The following TMOD2 variants were observed in gnomAD, a reference collection of about 807,000 sequenced individuals.
TMOD2 encodes the protein tropomodulin-2.
A neutral mutation model predicts 39.9 loss-of-function variants in TMOD2; 22 were observed. That is an observed-to-expected ratio of 0.55 (90% CI 0.39 to 0.79). The LOEUF (loss-of-function observed/expected upper bound fraction) is 0.79. Ranked by LOEUF, TMOD2 falls within the 30% of genes least tolerant of loss-of-function variation. The pLI, the probability that TMOD2 is intolerant of heterozygous loss-of-function variation, is 0.00. For synonymous variants in TMOD2, 123 were observed against 146.1 expected (o/e 0.84, Z 1.14); for missense variants, 386 against 413.3 (o/e 0.93, Z 0.57).
intron 7 of TMOD2, among the ~76,000 whole-genome samples, chr15:51,786,842 A>G (rs189920512): frequency 5.5e-4 from 84 of 152,382 alleles, no homozygotes; most frequent in Non-Finnish European, 1.0e-3. Flanking sequence ...TATTGGAAAT[A>G]AAACGTGAGA....
intron 9 of TMOD2, among the ~76,000 whole-genome samples, chr15:51,807,856 C>T (rs1433321771): frequency 1.3e-5 from 2 of 152,146 alleles, no homozygotes; most frequent in Non-Finnish European, 2.9e-5. Flanking sequence ...AACTGGGAAA[C>T]GGCAGTCTCG....
intron 5 of TMOD2, among the ~76,000 whole-genome samples, chr15:51,778,191 C>T (rs2055902268): frequency 6.6e-6 from 1 of 151,576 alleles, no homozygotes; most frequent in Non-Finnish European, 1.5e-5. Context: ...TTTGTAGGGA[C>T]ATGGATGAAA....
At chr15:51,779,716 T>G (rs947755922) in intron 5 of TMOD2, among the ~76,000 whole-genome samples, 1 of 152,118 alleles carries the variant, frequency 6.6e-6, no homozygotes, top group Non-Finnish European at 1.5e-5. Flanking sequence ...GGTCTCATTC[T>G]GTTGCCCAGG....
In TMOD2 at chr15:51,757,401, CAAAAAAAAAAAAAA is replaced by C. The variant is rs3078133; in HGVS notation, c.-70+5699_-70+5712del. On this transcript the variant is annotated intron_variant, in intron 1 of 9. Transcript: ENST00000249700. ...TGGGCGACACAGCCAGACTCCGTCT[CAAAAAAAAAAAAAA>C]AAAAAAAAAGCCATACTCCTTATTT... 2.6e-4 allele frequency among the ~76,000 whole-genome samples: 21 copies of C among 81,906 alleles called. No individual in the cohort carries two copies. In the South Asian group the frequency reaches 5.1e-3, roughly 20 times the overall value. The allele number at this position is 81,906 out of a possible 152,430, so 53.7% of individuals were successfully genotyped here. A position where few individuals can be genotyped will look rare whatever the true frequency, so the allele number is the denominator to read the frequency against.
At chr15:51,788,243 C>T (rs1427450843) in intron 7 of TMOD2, among the ~76,000 whole-genome samples, 3 of 151,888 alleles carry the variant, frequency 2.0e-5, no homozygotes, top group Non-Finnish European at 4.4e-5. Context: ...CTTCAATAGC[C>T]GATTTGATCA....
chr15:51,759,886 G>T (rs2055768847), intron 1 of TMOD2, among the ~76,000 whole-genome samples: 1 of 152,220 alleles, frequency 6.6e-6, no homozygotes, highest in South Asian at 2.1e-4. Context: ...CAAGGCCTGA[G>T]GCCAGCCAGG....
In TMOD2 at chr15:51,782,789, C is replaced by A; in HGVS notation, c.693C>A (p.Phe231Leu). 6.2e-7 allele frequency: 1 copy of A among 1,614,056 alleles called. No individual in the cohort carries two copies. Among genetic ancestry groups the A allele is most frequent in the Non-Finnish European group, 8.5e-7 (1 of 1,179,948 alleles). ...ALETNTHVKK[F>L]SLAATRSNDP... ...AGACCAACACTCACGTGAAGAAGTT[C>A]AGCCTGGCCGCAACTCGCAGCAATG... Residue 231 changes from phenylalanine (F) to leucine (L), a missense_variant, in exon 7 of 10, where the codon TTC (phenylalanine) becomes TTA (leucine). By Grantham distance (22) the Phe-to-Leu change is conservative. Coordinates refer to ENST00000249700, the MANE Select transcript of TMOD2 (RefSeq NM_014548.4).
chr15:51,781,823 A>AGAGAGAGAGAGT (rs368954467), intron 6 of TMOD2, among the ~76,000 whole-genome samples: 5 of 149,390 alleles, frequency 3.3e-5, no homozygotes, highest in African/African-American at 1.2e-4. Context: ...AGAGAGAGAG[A>AGAGAGAGAGAGT]GTGTGTGTGT....
intron 5 of TMOD2, 60 bp downstream of exon 5, chr15:51,777,078 G>GGA: frequency 7.0e-7 from 1 of 1,426,902 alleles, no homozygotes; most frequent in Non-Finnish European, 9.9e-7. Flanking sequence ...GTTGCTGGTA[G>GGA]GAGAGAGGCC....
intron 7 of TMOD2, among the ~76,000 whole-genome samples, chr15:51,789,226 C>T (rs1479299247): frequency 6.6e-6 from 1 of 152,164 alleles, no homozygotes; most frequent in Admixed American, 6.5e-5. Context: ...TCTGATAAAA[C>T]AGACTTTAAA....
intron 7 of TMOD2, chr15:51,783,087 T>G (rs2055942675): frequency 2.2e-6 from 1 of 448,638 alleles, no homozygotes; most frequent in South Asian, 2.3e-5. Flanking sequence ...TAACTGAATA[T>G]TTAGAGTTTG....
rs190442029 is a variant in TMOD2, at chr15:51,814,659, A to G, written c.*6205A>G. On this transcript the variant is annotated 3_prime_UTR_variant, in exon 10 of 10. Coordinates refer to ENST00000249700, the MANE Select transcript of TMOD2 (RefSeq NM_014548.4). Reference sequence around the variant, plus strand: ...CAATAGTGATTTGGATGCCAGCTCTATGTGACTTTGGGCAAGACTCTCCAT... The same window carrying G: ...CAATAGTGATTTGGATGCCAGCTCTGTGTGACTTTGGGCAAGACTCTCCAT... The G allele has an allele frequency of 3.0e-4, 45 of 152,254 alleles. No homozygotes were observed. The highest frequency in any genetic ancestry group is 2.8e-3 in the Admixed American group (43 of 15,288). The allele number at this position is 152,254 out of a possible 1,614,324, so 9.4% of individuals were successfully genotyped here.
intron 8 of TMOD2, among the ~76,000 whole-genome samples, chr15:51,803,092 G>C (rs1326055094): frequency 6.6e-6 from 1 of 151,550 alleles, no homozygotes; most frequent in African/African-American, 2.4e-5. Context: ...ATTCAAATCA[G>C]GGAAGAATGA....
intron 5 of TMOD2, among the ~76,000 whole-genome samples, 194 bp downstream of exon 5, chr15:51,777,212 A>G (rs548192987): frequency 3.3e-5 from 5 of 152,298 alleles, no homozygotes; most frequent in East Asian, 1.9e-4. Context: ...AGTACAAATC[A>G]GTGTGTGTTG....
chr15:51,796,921 A>G (rs1046762435), intron 7 of TMOD2, among the ~76,000 whole-genome samples: 2 of 152,166 alleles, frequency 1.3e-5, no homozygotes, highest in Non-Finnish European at 2.9e-5. Context: ...GACGATGTCA[A>G]TGGTTGGATG....
intron 1 of TMOD2, among the ~76,000 whole-genome samples, chr15:51,764,176 G>C (rs1197550179): frequency 1.3e-5 from 2 of 152,148 alleles, no homozygotes; most frequent in Non-Finnish European, 2.9e-5. Flanking sequence ...GTAGTCCCGG[G>C]CTTCGTGTTG....
chr15:51,801,004 G>A (rs1378031470), intron 8 of TMOD2, among the ~76,000 whole-genome samples: 1 of 152,110 alleles, frequency 6.6e-6, no homozygotes, highest in African/African-American at 2.4e-5. Flanking sequence ...ACCGCGCCTA[G>A]CCTGGCGTCT....
chr15:51,752,174 G>A (rs2055709588), intron 1 of TMOD2, among the ~76,000 whole-genome samples: 1 of 152,110 alleles, frequency 6.6e-6, no homozygotes, highest in South Asian at 2.1e-4. Flanking sequence ...ACTGGCCGGC[G>A]TCTTTCCTGA....
At chr15:51,795,585 T>G (rs199677613) in intron 7 of TMOD2, among the ~76,000 whole-genome samples, 882 of 35,152 alleles carry the variant, frequency 0.025, 5 homozygotes, top group East Asian at 0.049. Flanking sequence ...TTGCTTTCTT[T>G]CTTTCTTTCT....
Sources: gnomAD v4.1 joint callset for allele counts (sites outside exome capture counted in the v4.1 genomes callset) on GRCh38, gnomAD v4.1.1 for gene constraint, MANE v1.5 for transcripts, NCBI Gene and HGNC (gene_info 2026-07-23, HGNC 2026-07-21) for gene names.